USP37: variants seen among roughly 807,000 people sequenced by gnomAD.
USP37 encodes the protein ubiquitin specific peptidase 37.
USP37 carries 27 observed loss-of-function variants against 124.0 expected under a neutral mutation model. That is an observed-to-expected ratio of 0.22 (90% confidence interval 0.16 to 0.30). USP37 has a LOEUF of 0.30. Ranked by LOEUF, USP37 falls within the 10% of genes least tolerant of loss-of-function variation. The probability of loss-of-function intolerance (pLI) is 1.00; values close to 1 mark genes in which losing one functional copy is unlikely to be tolerated. For synonymous variants in USP37, 365 were observed against 388.0 expected, an observed-to-expected ratio of 0.94 and a Z score of 0.70; for missense variants, 889 against 1,140.4, an observed-to-expected ratio of 0.78 and a Z score of 3.17.
intron 23 of USP37, 128 bp downstream of exon 23, chr2:218,459,662 C>T (rs1404299173): frequency 1.6e-6 from 1 of 607,312 alleles, no homozygotes; most frequent in African/African-American, 1.9e-5. Context: ...GAAAATGAGA[C>T]CATCTAATGG....
chr2:218,454,827 C>A lies in USP37; in HGVS notation c.*103G>T. 14 of 1,540,176 alleles carry A rather than the reference C, an allele frequency of 9.1e-6. No individual in the cohort carries two copies. Among genetic ancestry groups the A allele is most frequent in the Non-Finnish European group, 1.1e-5 (13 of 1,148,804 alleles). The stretch of plus-strand genomic sequence containing the variant: ...GTTTGGCCCTGAGCTGTTTGTTGCT[C>A]CCGCATCAAGTAGAATTCCAAATTC... On this transcript the variant is annotated 3_prime_UTR_variant, in exon 26 of 26. Coordinates refer to ENST00000258399, the MANE Select transcript of USP37 (RefSeq NM_020935.3).
At chr2:218,557,982 A>G (rs1051564585) in intron 4 of USP37, among the ~76,000 whole-genome samples, 1 of 147,832 alleles carries the variant, frequency 6.8e-6, no homozygotes, top group South Asian at 2.2e-4. Context: ...TGCAGTGAAA[A>G]TGAAGATTCT....
Position 218,568,235 on chromosome 2 carries a change from G to A in USP37, c.-287C>T, listed in dbSNP as rs1693773450. ...CCGCGGAAAGCACGGAGCCCGCGAGGAGTGGGAGGAGCCGAGGGTAATGGA... is the reference window on the plus strand; with the variant it reads ...CCGCGGAAAGCACGGAGCCCGCGAGAAGTGGGAGGAGCCGAGGGTAATGGA... On this transcript the variant is annotated 5_prime_UTR_variant, in exon 1 of 26. Coordinates refer to ENST00000258399, the MANE Select transcript of USP37 (RefSeq NM_020935.3). 6.6e-6 allele frequency: 1 copy of A among 152,384 alleles called. No individual in the cohort carries two copies. The highest frequency in any genetic ancestry group is 1.5e-5 in the Non-Finnish European group (1 of 68,134). 9.4% of individuals were successfully genotyped at this position (152,384 alleles called of 1,614,324 possible).
At chr2:218,555,187 C>T (rs200625335) in intron 4 of USP37, among the ~76,000 whole-genome samples, 61 of 152,290 alleles carry the variant, frequency 4.0e-4, no homozygotes, top group East Asian at 3.1e-3. Flanking sequence ...CAGCCTTATT[C>T]TCTAATGTTC....
At chr2:218,463,853 G>GTTTTTT in intron 21 of USP37, among the ~76,000 whole-genome samples, 1 of 129,210 alleles carries the variant, frequency 7.7e-6, no homozygotes, top group Non-Finnish European at 1.6e-5. Flanking sequence ...TATTTTTTAA[G>GTTTTTT]ATTTTTTTTT....
intron 8 of USP37, among the ~76,000 whole-genome samples, chr2:218,544,870 T>C (rs1450966896): frequency 6.6e-6 from 1 of 152,216 alleles, no homozygotes; most frequent in Non-Finnish European, 1.5e-5. Context: ...TAATGATGTG[T>C]GCATGAGGTC....
intron 14 of USP37, among the ~76,000 whole-genome samples, chr2:218,494,678 G>A (rs1688976563): frequency 6.6e-6 from 1 of 152,086 alleles, no homozygotes. Context: ...CTCTTATATA[G>A]AGACTGTGAA....
intron 20 of USP37, among the ~76,000 whole-genome samples, chr2:218,467,601 C>A (rs1690423963): frequency 6.6e-6 from 1 of 152,066 alleles, no homozygotes; most frequent in East Asian, 1.9e-4. Context: ...CCCACCTCAG[C>A]CTCCCAAAGT....
intron 11 of USP37, among the ~76,000 whole-genome samples, chr2:218,503,962 T>C (rs1689532744): frequency 6.6e-6 from 1 of 152,096 alleles, no homozygotes; most frequent in East Asian, 1.9e-4. Flanking sequence ...GACTGGATGA[T>C]CTAATCATAA....
At chr2:218,567,784 G>C (rs150094337) in intron 1 of USP37, among the ~76,000 whole-genome samples, 23 of 152,344 alleles carry the variant, frequency 1.5e-4, no homozygotes, top group African/African-American at 5.1e-4. Context: ...TTGCAGTGAG[G>C]ACTGGTCAAG....
rs1280958910 is a variant in USP37, at chr2:218,544,405, AAATATATATAT to A, written c.680+1805_680+1815del. 9.6e-3 allele frequency among the ~76,000 whole-genome samples: 676 copies of A among 70,252 alleles called. 7 individuals are homozygous for A. The highest frequency in any genetic ancestry group is 0.012 in the Non-Finnish European group (495 of 41,490). The allele number at this position is 70,252 out of a possible 152,430, so 46.1% of individuals were successfully genotyped here. A position where few individuals can be genotyped will look rare whatever the true frequency, so the allele number is the denominator to read the frequency against. On this transcript the variant is annotated intron_variant, in intron 8 of 25. Coordinates refer to ENST00000258399, the MANE Select transcript of USP37 (RefSeq NM_020935.3). ...GTTTCACAAAAAAAAAAAAAAAAAAAAATATATATATATATATATATATATAGAGAGAGAGA... is the reference window on the plus strand; with the variant it reads ...GTTTCACAAAAAAAAAAAAAAAAAAAATATATATATATATAGAGAGAGAGA...
intron 14 of USP37, among the ~76,000 whole-genome samples, chr2:218,488,816 G>A (rs1691744283): frequency 6.6e-6 from 1 of 151,570 alleles, no homozygotes; most frequent in African/African-American, 2.4e-5. Context: ...TGTATTTTTA[G>A]TAGAGACGGG....
At chr2:218,516,610 T>C (rs7581705) in intron 10 of USP37, among the ~76,000 whole-genome samples, 2,896 of 152,230 alleles carry the variant, frequency 0.019, 97 homozygotes, top group African/African-American at 0.065. Context: ...AAAACCTAGA[T>C]GACAGGTTGA....
At chr2:218,496,814 A>G (rs1455083797) in intron 13 of USP37, among the ~76,000 whole-genome samples, 1 of 151,876 alleles carries the variant, frequency 6.6e-6, no homozygotes, top group Non-Finnish European at 1.5e-5. Context: ...ACGCCTGGCT[A>G]ATTTTTTTGT....
rs1329917992 is a variant in USP37, at chr2:218,466,080, T to G, written c.2396A>C (p.Gln799Pro). The part of the protein sequence containing the change: ...GSQGEVDWLQ[Q>P]YDMEREREEQ... ...TTCCCTTTCACGCTCCATATCATAC[T>G]GCTGGAGCCAATCAACTTCTCCCTG... Residue 799 changes from glutamine to proline, a missense_variant, in exon 21 of 26, where the codon CAG becomes CCG. Gln to Pro is a moderately conservative substitution (Grantham distance 76). Transcript: ENST00000258399. 21 of 1,614,106 alleles carry G rather than the reference T, an allele frequency of 1.3e-5. No homozygotes were observed. Among genetic ancestry groups the G allele is most frequent in the Non-Finnish European group, 1.0e-5 (12 of 1,180,022 alleles).
At chr2:218,524,846 G>A (rs1427216916) in intron 10 of USP37, among the ~76,000 whole-genome samples, 2 of 152,196 alleles carry the variant, frequency 1.3e-5, no homozygotes, top group African/African-American at 2.4e-5. Context: ...CTGACCTCAG[G>A]TGATCCACCC....
intron 10 of USP37, among the ~76,000 whole-genome samples, chr2:218,525,099 T>A (rs985495816): frequency 6.6e-6 from 1 of 152,260 alleles, no homozygotes; most frequent in Non-Finnish European, 1.5e-5. Flanking sequence ...TTTAAAATTG[T>A]TTTTATTCAC....
chr2:218,526,615 G>GT (rs1240826108), intron 10 of USP37, among the ~76,000 whole-genome samples: 7 of 151,908 alleles, frequency 4.6e-5, no homozygotes, highest in Non-Finnish European at 8.8e-5. Context: ...AAAAGTATTT[G>GT]TTGTTTGGTA....
chr2:218,488,970 T>A (rs1691752728), intron 14 of USP37, among the ~76,000 whole-genome samples: 1 of 152,040 alleles, frequency 6.6e-6, no homozygotes, highest in Non-Finnish European at 1.5e-5. Flanking sequence ...CCCCAAACTT[T>A]AAAAAACTAA....
Sources: allele counts gnomAD v4.1 joint callset (sites outside exome capture counted in the v4.1 genomes callset), GRCh38; gene constraint gnomAD v4.1.1; transcripts MANE v1.5; gene names NCBI Gene and HGNC (gene_info 2026-07-23, HGNC 2026-07-21).